OTOP3: variants seen among roughly 807,000 people sequenced by gnomAD.
OTOP3 encodes the protein proton channel OTOP3.
In OTOP3, 41 loss-of-function variants were observed where a neutral mutation model predicts 50.8. The ratio of observed to expected loss-of-function variants is 0.81; its 90% confidence interval spans 0.63 to 1.05. The LOEUF is 1.05. Among genes scored for constraint, OTOP3 ranks in the 50% least tolerant of loss-of-function variants. The pLI is 0.00. For synonymous variants in OTOP3, 320 were observed against 324.4 expected, an observed-to-expected ratio of 0.99 and a Z score of 0.14; for missense variants, 788 against 760.8, an observed-to-expected ratio of 1.04 and a Z score of -0.42.
upstream of OTOP3, chr17:74,935,846 G>GA (rs1187455900): frequency 6.5e-7 from 1 of 1,531,608 alleles, no homozygotes; most frequent in Non-Finnish European, 8.8e-7. Context: ...CCCGCTGGGG[G>GA]AGGGCGTCGC....
chr17:74,945,973 T>G (rs2039220980), intron 5 of OTOP3, among the ~76,000 whole-genome samples: 1 of 114,504 alleles, frequency 8.7e-6, no homozygotes, highest in Non-Finnish European at 1.8e-5. Context: ...TTTTGTTTTT[T>G]GTTTTTTGTG....
Position 74,941,460 on chromosome 17 carries a change from G to A in OTOP3, c.87G>A (p.Glu29=), listed in dbSNP as rs764518840. 4.4e-6 allele frequency: 7 copies of A among 1,602,096 alleles called. No homozygotes were observed. The Admixed American group carries it at 1.0e-4, about 23-fold the overall frequency. The change falls in exon 2 of 7, where the codon GAG becomes GAA. Residue 29 remains glutamate, a synonymous_variant. Coordinates refer to ENST00000328801, the MANE Select transcript of OTOP3 (RefSeq NM_001272005.2). Reference sequence around the variant, plus strand: ...AGACTGAAGCAGCCCCGGAGAAGGAGAACCGAGTGGATGTGGGGGCCGAGG... The same window carrying A: ...AGACTGAAGCAGCCCCGGAGAAGGAAAACCGAGTGGATGTGGGGGCCGAGG... ...AQETEAAPEK[E]NRVDVGAEER...
intron 1 of OTOP3, among the ~76,000 whole-genome samples, chr17:74,940,684 T>C (rs2039163322): frequency 2.0e-5 from 3 of 152,134 alleles, no homozygotes; most frequent in Admixed American, 6.5e-5. Flanking sequence ...TACCCAATGA[T>C]CTGAAGTGGA....
intron 1 of OTOP3, among the ~76,000 whole-genome samples, chr17:74,938,448 A>G (rs2131048): frequency 0.85 from 129,981 of 152,094 alleles, 55,736 homozygotes; most frequent in African/African-American, 0.91. Context: ...GAGAGGAGGC[A>G]GGGTCTCTGC....
In OTOP3 at chr17:74,946,740, C is replaced by A; in HGVS notation, c.831C>A (p.Pro277=). ...GGAGAGGCTTCCTGATGCTCTACCC[C>A]TTCAGCACTGAGTACTGCCTCATCT... ...AFRRGFLMLY[P]FSTEYCLICC... The change falls in exon 6 of 7, where the codon CCC becomes CCA. Residue 277 remains proline (P), a synonymous_variant. Coordinates refer to ENST00000328801, the MANE Select transcript of OTOP3 (RefSeq NM_001272005.2). 6.2e-7 allele frequency: 1 copy of A among 1,613,330 alleles called. No individual in the cohort carries two copies. Among genetic ancestry groups the A allele is most frequent in the South Asian group, 1.1e-5 (1 of 91,088 alleles).
Position 74,941,760 on chromosome 17 carries a change from A to C in OTOP3, c.387A>C (p.Pro129=). Residue 129 remains proline (P), a synonymous_variant, in exon 2 of 7, where the codon CCA becomes CCC. Transcript: ENST00000328801. ...ATGTGGCAAGCACCACCCGCCGACC[A>C]CACGCCGTGCTCTACCAAGATCCCC... is the stretch of plus-strand genomic sequence containing the variant. The part of the protein sequence containing the change: ...LYYVASTTRR[P]HAVLYQDPHA... The C allele has an allele frequency of 6.2e-7, 1 of 1,613,550 alleles. No individual in the cohort carries two copies. The highest frequency in any genetic ancestry group is 8.5e-7 in the Non-Finnish European group (1 of 1,179,850).
At chr17:74,939,467 AC>A (rs1158730780) in intron 1 of OTOP3, among the ~76,000 whole-genome samples, 3 of 152,098 alleles carry the variant, frequency 2.0e-5, no homozygotes, top group Non-Finnish European at 4.4e-5. Flanking sequence ...CAGCCTCCCC[AC>A]CAGGAGAGCA....
chr17:74,947,276 G>C lies in OTOP3; in HGVS notation c.1367G>C (p.Arg456Pro). Residue 456 changes from arginine (R) to proline (P), a missense_variant, in exon 6 of 7, where the codon CGG becomes CCG. By Grantham distance (103) the Arg-to-Pro change is moderately radical. Coordinates refer to ENST00000328801, the MANE Select transcript of OTOP3 (RefSeq NM_001272005.2). ...QNLFIIEGLH[R>P]RPLWETVPEG... is the part of the protein sequence containing the mutation. ...CTCTTCATCATCGAGGGCCTGCACC[G>C]GCGCCCACTCTGGGAGACAGTTCCC... 1 of 1,613,524 alleles carries C rather than the reference G, an allele frequency of 6.2e-7. No individual in the cohort carries two copies. The highest frequency in any genetic ancestry group is 1.1e-5 in the South Asian group (1 of 91,056).
Position 74,946,037 on chromosome 17 carries a change from G to A in OTOP3, c.752-624G>A, listed in dbSNP as rs543725089. On this transcript the variant is annotated intron_variant, in intron 5 of 6. Transcript: ENST00000328801. ...CTGTCGCCCAGGCTGGAGTGCAATG[G>A]CACAATCTTGGCTCACTGCAACCTC... Among the ~76,000 whole-genome samples the A allele has an allele frequency of 1.2e-3, 177 of 152,010 alleles. 1 individual carries two copies. The highest frequency in any genetic ancestry group is 3.9e-3 in the African/African-American group (163 of 41,434).
At chr17:74,936,955 CCCA>C (rs71354873) in intron 1 of OTOP3, among the ~76,000 whole-genome samples, 2,064 of 96,262 alleles carry the variant, frequency 0.021, 119 homozygotes, top group South Asian at 0.18. Flanking sequence ...TCATCACCCC[CCCA>C]CCCTTTTTTT....
At chr17:74,941,293 G>A (rs2039169252) in intron 1 of OTOP3, 100 bp from the exon 2 acceptor site, 4 of 1,286,456 alleles carry the variant, frequency 3.1e-6, no homozygotes, top group Non-Finnish European at 4.1e-6. Context: ...AACCAGAGAG[G>A]CCGCATAGCT....
rs1191778462 is a variant in OTOP3 at position 74,941,602 on chromosome 17, G to A, written c.229G>A (p.Ala77Thr). The change falls in exon 2 of 7, where the codon GCC becomes ACC. Residue 77 changes from alanine to threonine, a missense_variant. Coordinates refer to ENST00000328801, the MANE Select transcript of OTOP3 (RefSeq NM_001272005.2). ...TGGACAACTCTTCTCGGGGCTCCTG[G>A]CCCTGAATGTGGTGTTCCTGGGTGG... ...KAGQLFSGLL[A>T]LNVVFLGGAF... 5 of 1,613,466 alleles carry A rather than the reference G, an allele frequency of 3.1e-6. No individual in the cohort carries two copies. Among genetic ancestry groups the A allele is most frequent in the Middle Eastern group, 1.7e-4 (1 of 6,056 alleles).
chr17:74,945,378 G>C (rs745760083), intron 5 of OTOP3, among the ~76,000 whole-genome samples: 6 of 152,120 alleles, frequency 3.9e-5, no homozygotes, highest in Non-Finnish European at 8.8e-5. Flanking sequence ...ACTTTCTCCA[G>C]TTAGCCCCAG....
chr17:74,948,360 C>CA (rs372989542), intron 6 of OTOP3, among the ~76,000 whole-genome samples: 18 of 151,960 alleles, frequency 1.2e-4, no homozygotes, highest in East Asian at 5.8e-4. Context: ...CCTGTCTCTA[C>CA]AAAAAAAATT....
intron 6 of OTOP3, among the ~76,000 whole-genome samples, chr17:74,948,169 T>A (rs2039247141): frequency 6.6e-6 from 1 of 152,090 alleles, no homozygotes; most frequent in African/African-American, 2.4e-5. Context: ...GAAGTTTTGA[T>A]CTGAGCCTTG....
chr17:74,936,249 G>C (rs964335933), intron 1 of OTOP3, among the ~76,000 whole-genome samples: 1 of 152,202 alleles, frequency 6.6e-6, no homozygotes, highest in African/African-American at 2.4e-5. Context: ...AGGTTGGTTG[G>C]GGCTGTCTGG....
chr17:74,939,371 C>T (rs929584824), intron 1 of OTOP3, among the ~76,000 whole-genome samples: 1 of 152,066 alleles, frequency 6.6e-6, no homozygotes, highest in African/African-American at 2.4e-5. Flanking sequence ...ACCTAGAACC[C>T]TGAGCTCAGA....
chr17:74,936,511 A>T (rs1330067884), intron 1 of OTOP3, among the ~76,000 whole-genome samples: 3 of 152,172 alleles, frequency 2.0e-5, no homozygotes, highest in Non-Finnish European at 4.4e-5. Flanking sequence ...GGGGCGGCAG[A>T]GTACTGCTTG....
intron 1 of OTOP3, among the ~76,000 whole-genome samples, chr17:74,939,294 G>A (rs1226107088): frequency 6.6e-6 from 1 of 152,334 alleles, no homozygotes; most frequent in South Asian, 2.1e-4. Flanking sequence ...TCTGCTAGGA[G>A]GTGGGGAGAT....
Sources: allele counts gnomAD v4.1 joint callset (sites outside exome capture counted in the v4.1 genomes callset), GRCh38; gene constraint gnomAD v4.1.1; transcripts MANE v1.5; gene names NCBI Gene and HGNC (gene_info 2026-07-23, HGNC 2026-07-21).